BICRAL: variants seen among roughly 807,000 people sequenced by gnomAD.
BICRAL encodes the protein BRD4-interacting chromatin-remodeling complex-associated protein-like.
Under a neutral mutation model 91.8 loss-of-function variants are expected in BICRAL, and 8 were observed. The ratio of observed to expected loss-of-function variants is 0.09; its 90% CI spans 0.05 to 0.16. BICRAL has a LOEUF of 0.16. BICRAL is among the 10% of genes least tolerant of loss of function. The pLI, the probability that BICRAL is intolerant of heterozygous loss-of-function variation, is 1.00. For synonymous variants in BICRAL, 445 were observed against 491.1 expected, an observed-to-expected ratio of 0.91 and a Z score of 1.24; for missense variants, 1,038 against 1,310.9, an observed-to-expected ratio of 0.79 and a Z score of 3.21.
intron 1 of BICRAL, among the ~76,000 whole-genome samples, chr6:42,808,692 G>A (rs142564026): frequency 6.6e-6 from 1 of 152,174 alleles, no homozygotes; most frequent in African/African-American, 2.4e-5. Context: ...GGGAGAGATG[G>A]GAGTGTGAAG....
rs993341969 is a variant in BICRAL, at chr6:42,867,722, C to G, written c.*2276C>G. On this transcript the variant is annotated 3_prime_UTR_variant, in exon 13 of 13. Transcript: ENST00000314073. ...TTCTTCCCTATCCTGCCCTGCTGTCCCAATCCTAGCTTTTCTATATACCAT... is the reference window on the plus strand; with the variant it reads ...TTCTTCCCTATCCTGCCCTGCTGTCGCAATCCTAGCTTTTCTATATACCAT... The G allele has an allele frequency of 3.3e-5, 5 of 152,152 alleles. No individual in the cohort carries two copies. The highest frequency in any genetic ancestry group is 6.6e-5 in the Admixed American group (1 of 15,264). 9.4% of individuals were successfully genotyped at this position (152,152 alleles called of 1,614,324 possible).
intron 7 of BICRAL, among the ~76,000 whole-genome samples, chr6:42,853,159 A>T (rs1765248718): frequency 6.6e-6 from 1 of 151,574 alleles, no homozygotes; most frequent in Admixed American, 6.6e-5. Flanking sequence ...GGAATTCTCC[A>T]CCCAGACTGA....
chr6:42,853,455 C>T lies in BICRAL; in HGVS notation c.1946-183C>T, dbSNP rs529600297. ...TTATTACTTAAATAGGCTTTAATAA[C>T]CTCTTCCTTTAGAGCTTGTAAGTAA... On this transcript the variant is annotated intron_variant, in intron 7 of 12. Coordinates refer to ENST00000314073, the MANE Select transcript of BICRAL (RefSeq NM_001393499.1). Among the ~76,000 whole-genome samples, 6 of 152,240 alleles carry T rather than the reference C, an allele frequency of 3.9e-5. No homozygotes were observed. The South Asian group carries it at 1.2e-3, about 32-fold the overall frequency.
At chr6:42,823,295 T>A (rs994078721) in intron 5 of BICRAL, among the ~76,000 whole-genome samples, 1 of 152,116 alleles carries the variant, frequency 6.6e-6, no homozygotes, top group Non-Finnish European at 1.5e-5. Flanking sequence ...CTAATTTTTG[T>A]ATTTTTAATA....
rs748078737 is a variant in BICRAL, at chr6:42,857,600, T to TAAAA, written c.2254+376_2254+379dup. On this transcript the variant is annotated intron_variant, in intron 10 of 12. Transcript: ENST00000314073. ...GGCAACATAGGGAGACACTGTCTCT[T>TAAAA]AAAAAAAAAAAAAAATATATATATA... Among the ~76,000 whole-genome samples the TAAAA allele has an allele frequency of 1.5e-3, 154 of 101,290 alleles. 1 individual carries two copies. Among genetic ancestry groups the TAAAA allele is most frequent in the African/African-American group, 6.7e-3 (134 of 19,990 alleles). 66.5% of individuals were successfully genotyped at this position (101,290 alleles called of 152,430 possible). A position where few individuals can be genotyped will look rare whatever the true frequency, so the allele number is the denominator to read the frequency against.
rs769903909 is a variant in BICRAL at position 42,864,771 on chromosome 6, G to T, written c.2565G>T (p.Pro855=). 1.2e-6 allele frequency: 2 copies of T among 1,614,016 alleles called. No individual in the cohort carries two copies. Among genetic ancestry groups the T allele is most frequent in the Admixed American group, 1.7e-5 (1 of 59,980 alleles). The change falls in exon 13 of 13, where the codon CCG becomes CCT. Residue 855 remains proline, a synonymous_variant. Transcript: ENST00000314073. ...GTAAAGCAAGCAGCTCTCTGCAACC[G>T]CCAGCCAAGGCCCAAGGCAGAGACC... ...HGSKASSSLQ[P]PAKAQGRDRA... is the part of the protein sequence containing the mutation.
intron 2 of BICRAL, among the ~76,000 whole-genome samples, chr6:42,819,204 A>T (rs1290412391): frequency 6.6e-6 from 1 of 152,236 alleles, no homozygotes; most frequent in African/African-American, 2.4e-5. Context: ...GAATCTTTCC[A>T]GAGAAAACAG....
At chr6:42,773,451 C>G (rs1762767594) in intron 1 of BICRAL, among the ~76,000 whole-genome samples, 2 of 152,130 alleles carry the variant, frequency 1.3e-5, no homozygotes, top group Admixed American at 1.3e-4. Flanking sequence ...CTTCTGGGCT[C>G]AAGCAGTTCT....
At chr6:42,858,893 A>T (rs1394549018) in intron 10 of BICRAL, among the ~76,000 whole-genome samples, 1 of 152,126 alleles carries the variant, frequency 6.6e-6, no homozygotes, top group African/African-American at 2.4e-5. Flanking sequence ...TTCTGTCCTG[A>T]TGCCTGGCCA....
chr6:42,845,525 G>C (rs1764980424), intron 6 of BICRAL, among the ~76,000 whole-genome samples: 1 of 151,952 alleles, frequency 6.6e-6, no homozygotes, highest in African/African-American at 2.4e-5. Context: ...CCCAAGTCCA[G>C]GAAGTATAGT....
chr6:42,774,633 G>A (rs1266035844), intron 1 of BICRAL, among the ~76,000 whole-genome samples: 1 of 127,022 alleles, frequency 7.9e-6, no homozygotes, highest in Non-Finnish European at 1.8e-5. Flanking sequence ...TGGAGTATAA[G>A]AGTACCTTTG....
In BICRAL at chr6:42,748,449, T is replaced by C. The variant is rs1171521179; in HGVS notation, c.-261+1426T>C. 2.0e-5 allele frequency among the ~76,000 whole-genome samples: 3 copies of C among 152,226 alleles called. No homozygotes were observed. In the South Asian group the frequency reaches 6.2e-4, roughly 31 times the overall value. On this transcript the variant is annotated intron_variant, in intron 1 of 14. Coordinates refer to the BICRAL transcript ENST00000614467. Reference sequence around the variant, plus strand: ...ATCTATGGGTGTTGTAAGTGTTGGCTGTATCCCAAGTGGAATTGAATGTTA... The same window carrying C: ...ATCTATGGGTGTTGTAAGTGTTGGCCGTATCCCAAGTGGAATTGAATGTTA...
At position 42,822,191 on chromosome 6, in the gene BICRAL, G is replaced by A. The variant is rs980815809; in HGVS notation, c.41+128G>A. ...AAATTAAATAATAATCATAGGTTTAGTAGAGAAACAGAGACATGATTAACA... is the reference window on the plus strand; with the variant it reads ...AAATTAAATAATAATCATAGGTTTAATAGAGAAACAGAGACATGATTAACA... On this transcript the variant is annotated intron_variant, in intron 3 of 12. Transcript: ENST00000314073. 5.2e-6 allele frequency: 3 copies of A among 578,124 alleles called. No homozygotes were observed. The East Asian group carries it at 9.1e-5, about 17-fold the overall frequency. The allele number at this position is 578,124 out of a possible 1,614,324, so 35.8% of individuals were successfully genotyped here. A position where few individuals can be genotyped will look rare whatever the true frequency, so the allele number is the denominator to read the frequency against.
rs1333015046 is a variant in BICRAL at position 42,865,438 on chromosome 6, G to C, written c.3232G>C (p.Glu1078Gln). The C allele has an allele frequency of 6.2e-7, 1 of 1,604,572 alleles. No individual in the cohort carries two copies. The highest frequency in any genetic ancestry group is 8.5e-7 in the Non-Finnish European group (1 of 1,171,760). Reference sequence around the variant, plus strand: ...AGAAGCAGCTGTAAATAGTATCCTAGAGTGTTAATAGCAGCAGTCCTCCCC... The same window carrying C: ...AGAAGCAGCTGTAAATAGTATCCTACAGTGTTAATAGCAGCAGTCCTCCCC... ...ILEAAVNSIL[E>Q]C The change falls in exon 13 of 13, where the codon GAG becomes CAG. Residue 1078 changes from glutamate (E) to glutamine (Q), a missense_variant. This residue lies in a region of BICRAL where 92 missense variants were observed against 147.8 expected (regional missense o/e 0.62). Transcript: ENST00000314073.
At chr6:42,854,893 C>G (rs188395800) in intron 8 of BICRAL, among the ~76,000 whole-genome samples, 55 of 152,188 alleles carry the variant, frequency 3.6e-4, no homozygotes, top group African/African-American at 1.3e-3. Flanking sequence ...TTGATAACTT[C>G]AAGTTTGGCT....
chr6:42,813,578 C>T (rs1250084740), intron 2 of BICRAL, among the ~76,000 whole-genome samples: 1 of 152,062 alleles, frequency 6.6e-6, no homozygotes, highest in African/African-American at 2.4e-5. Context: ...GGAATGCAGT[C>T]ACACAATCAC....
chr6:42,851,856 A>G (rs1176229340), intron 6 of BICRAL, among the ~76,000 whole-genome samples: 2 of 152,108 alleles, frequency 1.3e-5, no homozygotes, highest in Non-Finnish European at 2.9e-5. Flanking sequence ...CCTGGTATCA[A>G]CTCAGCATCC....
chr6:42,784,573 G>A (rs1763047161), intron 1 of BICRAL, among the ~76,000 whole-genome samples: 1 of 152,146 alleles, frequency 6.6e-6, no homozygotes. Flanking sequence ...TATTATATCA[G>A]CCCAGAAATA....
At chr6:42,823,834 G>T (rs1021624659) in intron 5 of BICRAL, among the ~76,000 whole-genome samples, 1 of 151,718 alleles carries the variant, frequency 6.6e-6, no homozygotes, top group Non-Finnish European at 1.5e-5. Context: ...CTGTGGCAGA[G>T]AATTGCATAA....
Sources: gnomAD v4.1 joint callset for allele counts (sites outside exome capture counted in the v4.1 genomes callset) on GRCh38, gnomAD v4.1.1 for gene constraint, gnomAD v4.1.1 regional missense constraint, MANE v1.5 for transcripts, NCBI Gene and HGNC (gene_info 2026-07-23, HGNC 2026-07-21) for gene names.